RGPD8: variants seen among roughly 807,000 people sequenced by gnomAD.
The protein encoded by RGPD8 is RANBP2-like and GRIP domain-containing protein 8.
A neutral mutation model predicts 89.1 loss-of-function variants in RGPD8; 15 were observed. That is an observed-to-expected ratio of 0.17 (90% CI 0.11 to 0.26). The LOEUF is 0.26. RGPD8 is among the 10% of genes least tolerant of loss of function. The probability of loss-of-function intolerance (pLI) is 1.00; values close to 1 mark genes in which losing one functional copy is unlikely to be tolerated. For missense variants in RGPD8, 178 were observed against 1,179.6 expected, an observed-to-expected ratio of 0.15 and a Z score of 12.44; for synonymous variants, 62 against 420.9, an observed-to-expected ratio of 0.15 and a Z score of 10.44.
chr2:112,412,789 A>C (rs1170559855), intron 6 of RGPD8, among the ~76,000 whole-genome samples, 163 bp from the exon 7 acceptor site: 1 of 140,714 alleles, frequency 7.1e-6, no homozygotes, highest in Non-Finnish European at 1.6e-5. Context: ...TGAATCATCT[A>C]ATGCTTATTT....
intron 1 of RGPD8, among the ~76,000 whole-genome samples, chr2:112,429,996 A>T (rs373133730): frequency 6.6e-6 from 1 of 152,136 alleles, no homozygotes; most frequent in Non-Finnish European, 1.5e-5. Flanking sequence ...TAATAGAGAC[A>T]GATTTTCACC....
chr2:112,382,009 C>T (rs1272310342), intron 20 of RGPD8, among the ~76,000 whole-genome samples: 1 of 152,246 alleles, frequency 6.6e-6, no homozygotes, highest in Non-Finnish European at 1.5e-5. Flanking sequence ...GAAGGCAGAC[C>T]CACCCTTAAT....
At chr2:112,425,983 C>T (rs1679753305) in intron 1 of RGPD8, among the ~76,000 whole-genome samples, 1 of 152,052 alleles carries the variant, frequency 6.6e-6, no homozygotes, top group Non-Finnish European at 1.5e-5. Context: ...ACTTATCACA[C>T]ACTGTGGCTG....
At chr2:112,427,936 G>GA (rs1243925589) in intron 1 of RGPD8, among the ~76,000 whole-genome samples, 17 of 152,114 alleles carry the variant, frequency 1.1e-4, no homozygotes, top group African/African-American at 4.1e-4. Flanking sequence ...GAGAATAAGA[G>GA]AAAAATTAGA....
intron 1 of RGPD8, among the ~76,000 whole-genome samples, chr2:112,429,498 T>C (rs1210482887): frequency 6.7e-6 from 1 of 149,838 alleles, no homozygotes; most frequent in African/African-American, 2.5e-5. Context: ...AAAGTATATA[T>C]GTGTGTTACT....
chr2:112,416,108 A>AAAG (rs1679400752), intron 6 of RGPD8, among the ~76,000 whole-genome samples: 1 of 146,280 alleles, frequency 6.8e-6, no homozygotes, highest in African/African-American at 2.5e-5. Context: ...AAAAAAAAAA[A>AAAG]AAAGAAAGAA....
intron 7 of RGPD8, among the ~76,000 whole-genome samples, chr2:112,408,567 C>T (rs1310526896): frequency 6.7e-5 from 10 of 149,058 alleles, no homozygotes; most frequent in Non-Finnish European, 8.9e-5. Flanking sequence ...AAACTGACCT[C>T]AATTCATAAA....
At chr2:112,390,640 CAATT>C (rs1488609603) in intron 19 of RGPD8, among the ~76,000 whole-genome samples, 8 of 131,932 alleles carry the variant, frequency 6.1e-5, no homozygotes, top group South Asian at 2.6e-4. Context: ...AGTCTTCAAT[CAATT>C]GTTATATATA....
intron 1 of RGPD8, among the ~76,000 whole-genome samples, chr2:112,431,493 C>T (rs1289898205): frequency 6.6e-6 from 1 of 152,194 alleles, no homozygotes; most frequent in Non-Finnish European, 1.5e-5. Context: ...CTGCACTACC[C>T]ATTTGACCCT....
At chr2:112,430,117 G>C (rs1198494976) in intron 1 of RGPD8, among the ~76,000 whole-genome samples, 8 of 152,178 alleles carry the variant, frequency 5.3e-5, no homozygotes, top group Non-Finnish European at 1.0e-4. Flanking sequence ...GGCAAAACAA[G>C]AGAAGACTAA....
chr2:112,416,088 CAAAAAAAAAAAA>C (rs1168507298), intron 6 of RGPD8, among the ~76,000 whole-genome samples: 4 of 88,898 alleles, frequency 4.5e-5, no homozygotes, highest in African/African-American at 1.4e-4. Context: ...GACTCCATCT[CAAAAAAAAAAAA>C]AAAAAAAAAA....
chr2:112,402,516 A>AAGAAAAG (rs1292331102), intron 9 of RGPD8, among the ~76,000 whole-genome samples: 2 of 152,186 alleles, frequency 1.3e-5, no homozygotes, highest in Non-Finnish European at 2.9e-5. Context: ...AAGAAAAGAA[A>AAGAAAAG]AGAAAAGAAA....
In RGPD8 at chr2:112,380,701, T is replaced by C. The variant is rs569143246; in HGVS notation, c.5061+123A>G. 1.6e-4 allele frequency: 95 copies of C among 608,430 alleles called. No individual in the cohort carries two copies. The East Asian group carries it at 3.1e-3, about 20-fold the overall frequency. The allele number at this position is 608,430 out of a possible 1,614,324, so 37.7% of individuals were successfully genotyped here. A position where few individuals can be genotyped will look rare whatever the true frequency, so the allele number is the denominator to read the frequency against. On this transcript the variant is annotated intron_variant, in intron 21 of 22. Coordinates refer to ENST00000302558, the MANE Select transcript of RGPD8 (RefSeq NM_001164463.1). ...ATATTTCTCACCATCAGGAATCTAA[T>C]ATAAAGATCAAGACGTTATAGATGC...
intron 6 of RGPD8, among the ~76,000 whole-genome samples, chr2:112,416,043 T>C (rs1390463373): frequency 7.0e-6 from 1 of 143,546 alleles, no homozygotes; most frequent in Non-Finnish European, 1.5e-5. Flanking sequence ...TGAGCCAAGG[T>C]CGTGCCACTG....
intron 1 of RGPD8, chr2:112,432,673 C>T: frequency 2.0e-6 from 2 of 985,362 alleles, no homozygotes; most frequent in Non-Finnish European, 2.4e-6. Flanking sequence ...GATACAGCAC[C>T]CGGGTGCCCA....
At chr2:112,426,401 T>G (rs1234625378) in intron 1 of RGPD8, among the ~76,000 whole-genome samples, 5 of 150,322 alleles carry the variant, frequency 3.3e-5, no homozygotes, top group African/African-American at 4.9e-5. Flanking sequence ...GTGAGATTTT[T>G]ATCATGTTAT....
At chr2:112,373,422 T>C (rs1230245599) in intron 22 of RGPD8, among the ~76,000 whole-genome samples, 1 of 152,306 alleles carries the variant, frequency 6.6e-6, no homozygotes, top group Non-Finnish European at 1.5e-5. Context: ...TTTTCAGAGT[T>C]GGGTAACCTA....
At chr2:112,432,356 A>G (rs191919697) in intron 1 of RGPD8, among the ~76,000 whole-genome samples, 1 of 152,128 alleles carries the variant, frequency 6.6e-6, no homozygotes, top group East Asian at 1.9e-4. Context: ...AAGCAAAGGC[A>G]GCTACCAAAG....
At chr2:112,432,238 C>G (rs1255476912) in intron 1 of RGPD8, among the ~76,000 whole-genome samples, 2 of 152,086 alleles carry the variant, frequency 1.3e-5, no homozygotes, top group Non-Finnish European at 2.9e-5. Flanking sequence ...AAATAGATCA[C>G]ATTATTTACC....
Sources: gnomAD v4.1 joint callset for allele counts (sites outside exome capture counted in the v4.1 genomes callset) on GRCh38, gnomAD v4.1.1 for gene constraint, MANE v1.5 for transcripts, NCBI Gene and HGNC (gene_info 2026-07-23, HGNC 2026-07-21) for gene names.